Variants in RELN observed in about 807,000 individuals in gnomAD.
RELN encodes the protein reelin.
RELN carries 108 observed loss-of-function variants against 427.6 expected under a neutral mutation model. The ratio of observed to expected loss-of-function variants is 0.25; its 90% CI spans 0.22 to 0.30. The LOEUF (loss-of-function observed/expected upper bound fraction) is 0.30, where lower values mean the gene tolerates loss of function less well. Ranked by LOEUF, RELN falls within the 10% of genes least tolerant of loss-of-function variation. The pLI is 1.00. For missense variants in RELN, 3,715 were observed against 4,302.8 expected (o/e 0.86, Z 3.82); for synonymous variants, 1,524 against 1,513.4 (o/e 1.01, Z -0.16).
intron 3 of RELN, among the ~76,000 whole-genome samples, chr7:103,830,183 A>G (rs996336288): frequency 2.8e-4 from 42 of 151,996 alleles, no homozygotes; most frequent in African/African-American, 9.7e-4. Flanking sequence ...AATAAAATAT[A>G]ATATCATTAT....
Position 103,589,655 on chromosome 7 carries a change from T to C in RELN, c.4086A>G (p.Thr1362=), listed in dbSNP as rs1187446209. The part of the protein sequence containing the change: ...RELSEPTMYH[T]GDFEEWTRIT... Reference sequence around the variant, plus strand: ...TTCTTGTCCATTCTTCAAAGTCCCCTGTGTGATACATGGTGGGCTCACTTA... The same window carrying C: ...TTCTTGTCCATTCTTCAAAGTCCCCCGTGTGATACATGGTGGGCTCACTTA... The change falls in exon 28 of 65, where the codon ACA becomes ACG. Residue 1362 remains threonine, a synonymous_variant. Coordinates refer to ENST00000428762, the MANE Select transcript of RELN (RefSeq NM_005045.4). 3 of 1,614,158 alleles carry C rather than the reference T, an allele frequency of 1.9e-6. No homozygotes were observed. Among genetic ancestry groups the C allele is most frequent in the Non-Finnish European group, 1.7e-6 (2 of 1,179,994 alleles).
At chr7:103,594,587 G>C in intron 25 of RELN, 95 bp from the exon 26 acceptor site, 2 of 1,303,450 alleles carry the variant, frequency 1.5e-6, no homozygotes, top group Admixed American at 1.8e-5. Context: ...CAAGAGAAAA[G>C]TTTTGTTTGG....
intron 2 of RELN, among the ~76,000 whole-genome samples, chr7:103,862,553 T>A (rs928709887): frequency 2.6e-5 from 4 of 152,048 alleles, no homozygotes; most frequent in Admixed American, 2.6e-4. Context: ...CATGCCTCTT[T>A]ATCTTATTTT....
intron 29 of RELN, 129 bp downstream of exon 29, chr7:103,575,419 T>C: frequency 9.1e-7 from 1 of 1,093,820 alleles, no homozygotes; most frequent in East Asian, 2.4e-5. Context: ...GGGTTGTGAA[T>C]TCCTACAATT....
At chr7:103,940,570 T>C (rs1449818493) in intron 1 of RELN, among the ~76,000 whole-genome samples, 1 of 152,130 alleles carries the variant, frequency 6.6e-6, no homozygotes, top group African/African-American at 2.4e-5. Context: ...CCTTTCCATA[T>C]CCCCTTATGT....
At chr7:103,849,546 T>C (rs568085782) in intron 2 of RELN, among the ~76,000 whole-genome samples, 52 of 152,344 alleles carry the variant, frequency 3.4e-4, no homozygotes, top group African/African-American at 1.2e-3. Flanking sequence ...ACACCCTGCG[T>C]ATCCCCTACC....
At chr7:103,950,196 G>A (rs1007277122) in intron 1 of RELN, among the ~76,000 whole-genome samples, 11 of 152,042 alleles carry the variant, frequency 7.2e-5, no homozygotes, top group African/African-American at 2.4e-4. Context: ...CGAAGGTTCC[G>A]CCCTCATGAC....
rs539238709 is a variant in RELN at position 103,619,773 on chromosome 7, C to T, written c.2703-7970G>A. 5.3e-5 allele frequency among the ~76,000 whole-genome samples: 8 copies of T among 152,140 alleles called. No homozygotes were observed. The South Asian group carries it at 6.3e-4, about 12-fold the overall frequency. ...GGGAGACCAAGGGTCAGAGAGGGGCCGACTGCAGGAGACCATGCACCCAGG... is the reference window on the plus strand; with the variant it reads ...GGGAGACCAAGGGTCAGAGAGGGGCTGACTGCAGGAGACCATGCACCCAGG... On this transcript the variant is annotated intron_variant, in intron 20 of 64. Coordinates refer to ENST00000428762, the MANE Select transcript of RELN (RefSeq NM_005045.4).
At chr7:103,742,672 G>C (rs1300572208) in intron 6 of RELN, among the ~76,000 whole-genome samples, 1 of 152,188 alleles carries the variant, frequency 6.6e-6, no homozygotes, top group Non-Finnish European at 1.5e-5. Flanking sequence ...ATCAGTGATG[G>C]AAGATGAAAT....
intron 2 of RELN, among the ~76,000 whole-genome samples, chr7:103,896,653 G>C (rs1185969699): frequency 1.3e-5 from 2 of 152,018 alleles, no homozygotes; most frequent in Non-Finnish European, 2.9e-5. Context: ...TTAGGGTAAT[G>C]ATAGGGAAGG....
chr7:103,959,131 CG>C (rs1796496846), intron 1 of RELN, among the ~76,000 whole-genome samples: 2 of 151,954 alleles, frequency 1.3e-5, no homozygotes, highest in Admixed American at 1.3e-4. Flanking sequence ...TTAGTAGAGA[CG>C]GGGCTTTGCC....
rs1831711813 is a variant in RELN, at chr7:103,603,037, A to G, written c.3333+267T>C. Among the ~76,000 whole-genome samples, 1 of 152,150 alleles carries G rather than the reference A, an allele frequency of 6.6e-6. No homozygotes were observed. Among genetic ancestry groups the G allele is most frequent in the Admixed American group, 6.5e-5 (1 of 15,268 alleles). ...CACAAGCCTGGCTGGAAATGAAGGAAAGGAAAGTAATGGTATTTAAATCAG... is the reference window on the plus strand; with the variant it reads ...CACAAGCCTGGCTGGAAATGAAGGAGAGGAAAGTAATGGTATTTAAATCAG... On this transcript the variant is annotated intron_variant, in intron 24 of 64. Coordinates refer to ENST00000428762, the MANE Select transcript of RELN (RefSeq NM_005045.4). This position sits in a 1 kb window ranked among gnomAD's most constrained non-coding sequence, Gnocchi z 4.3.
chr7:103,642,711 T>A (rs1832719004), intron 16 of RELN, among the ~76,000 whole-genome samples: 1 of 152,124 alleles, frequency 6.6e-6, no homozygotes, highest in Admixed American at 6.6e-5. Context: ...ATTGCACTCT[T>A]AATTTTCTCA....
At chr7:103,636,196 AT>A in intron 18 of RELN, 38 bp downstream of exon 18, 1 of 1,296,022 alleles carries the variant, frequency 7.7e-7, no homozygotes. Flanking sequence ...CAACATTAGT[AT>A]CTGGTTTTTG....
At chr7:103,510,748 GTATATACTAAGTCAATGAAAT>G in intron 51 of RELN, 82 bp downstream of exon 51, 1 of 947,270 alleles carries the variant, frequency 1.1e-6, no homozygotes, top group Non-Finnish European at 1.7e-6. Context: ...ACTTTTCAAA[GTATATACTAAGTCAATGAAAT>G]ATTAGATCAT....
chr7:103,902,236 CTCTTA>C (rs1795098418), intron 2 of RELN, among the ~76,000 whole-genome samples: 1 of 151,988 alleles, frequency 6.6e-6, no homozygotes, highest in African/African-American at 2.4e-5. Flanking sequence ...TTAAGTTCTT[CTCTTA>C]TTAGTAACAG....
At chr7:103,972,444 A>T (rs1796783054) in intron 1 of RELN, among the ~76,000 whole-genome samples, 1 of 152,226 alleles carries the variant, frequency 6.6e-6, no homozygotes, top group South Asian at 2.1e-4. Flanking sequence ...ATAACTAAAT[A>T]TTCTAAGTCT....
intron 3 of RELN, among the ~76,000 whole-genome samples, chr7:103,800,650 A>C (rs1020606871): frequency 1.1e-4 from 17 of 152,140 alleles, no homozygotes; most frequent in African/African-American, 2.7e-4. Flanking sequence ...TAGGCAATAC[A>C]ATTCAGGACA....
intron 2 of RELN, among the ~76,000 whole-genome samples, chr7:103,849,629 T>A (rs997361437): frequency 2.0e-4 from 31 of 152,208 alleles, no homozygotes; most frequent in Non-Finnish European, 2.4e-4. Context: ...TGTATATAGT[T>A]GTAAGTACAT....
Sources: allele counts gnomAD v4.1 joint callset (sites outside exome capture counted in the v4.1 genomes callset), GRCh38; gene constraint gnomAD v4.1.1; non-coding constraint Gnocchi (gnomAD v3.1); transcripts MANE v1.5; gene names NCBI Gene and HGNC (gene_info 2026-07-23, HGNC 2026-07-21).